FASTKD2: variants seen among roughly 807,000 people sequenced by gnomAD.
FASTKD2 encodes the protein FAST kinase domains 2, also known as FAST kinase domain-containing protein 2, mitochondrial.
Under a neutral mutation model 63.6 loss-of-function variants are expected in FASTKD2, and 51 were observed. That is an observed-to-expected ratio of 0.80 (90% confidence interval 0.64 to 1.01). The LOEUF is 1.01. Among genes scored for constraint, FASTKD2 ranks in the 50% least tolerant of loss-of-function variants. The probability of loss-of-function intolerance (pLI) is 0.00; values close to 1 mark genes in which losing one functional copy is unlikely to be tolerated. For missense variants in FASTKD2, 786 were observed against 831.1 expected (o/e 0.95, Z 0.67); for synonymous variants, 284 against 293.4 (o/e 0.97, Z 0.33).
At chr2:206,775,135 C>T (rs1689788590) in intron 7 of FASTKD2, among the ~76,000 whole-genome samples, 1 of 151,942 alleles carries the variant, frequency 6.6e-6, no homozygotes, top group Admixed American at 6.6e-5. Flanking sequence ...TTTCTTTATC[C>T]ATTCATCTGC....
At chr2:206,781,390 A>G (rs192696190) in intron 7 of FASTKD2, among the ~76,000 whole-genome samples, 17 of 125,900 alleles carry the variant, frequency 1.4e-4, no homozygotes, top group African/African-American at 5.1e-4. Flanking sequence ...ATCTCGGCTT[A>G]CTGCAACCTC....
chr2:206,781,505 G>A (rs910497682), intron 7 of FASTKD2, among the ~76,000 whole-genome samples: 7 of 151,298 alleles, frequency 4.6e-5, no homozygotes, highest in Admixed American at 3.9e-4. Context: ...TGGTAGAGAC[G>A]GGGTTTCACC....
chr2:206,773,345 A>G (rs887613388), intron 6 of FASTKD2, among the ~76,000 whole-genome samples: 1 of 147,636 alleles, frequency 6.8e-6, no homozygotes, highest in African/African-American at 2.5e-5. Context: ...AAAGGGTTGT[A>G]TGGTACTTTT....
At chr2:206,781,238 A>G (rs954616901) in intron 7 of FASTKD2, among the ~76,000 whole-genome samples, 1 of 151,172 alleles carries the variant, frequency 6.6e-6, no homozygotes, top group Admixed American at 6.6e-5. Context: ...ACTGGCTTTG[A>G]CAGGGAAAGA....
chr2:206,777,992 T>A (rs1689868215), intron 7 of FASTKD2, among the ~76,000 whole-genome samples: 2 of 152,126 alleles, frequency 1.3e-5, no homozygotes, highest in Non-Finnish European at 1.5e-5. Context: ...GCATTGGTTT[T>A]TATTTCTAGT....
At position 206,767,396 on chromosome 2, in the gene FASTKD2, A is replaced by G; in HGVS notation, c.703A>G (p.Ser235Gly). Residue 235 changes from serine (S) to glycine (G), a missense_variant, in exon 2 of 12, where the codon AGT (serine) becomes GGT (glycine). Coordinates refer to ENST00000402774, the MANE Select transcript of FASTKD2 (RefSeq NM_001136193.2). Reference sequence around the variant, plus strand: ...CATGCAGTATAAGTACCTACTGTTCAGTCTTCACGCCATAGTGAAGCTTGG... The same window carrying G: ...CATGCAGTATAAGTACCTACTGTTCGGTCTTCACGCCATAGTGAAGCTTGG... ...KIMQYKYLLF[S>G]LHAIVKLGIP... is the part of the protein sequence containing the mutation. The G allele has an allele frequency of 6.2e-7, 1 of 1,613,872 alleles. No homozygotes were observed. Among genetic ancestry groups the G allele is most frequent in the Non-Finnish European group, 8.5e-7 (1 of 1,179,970 alleles).
At chr2:206,787,745 T>G (rs1230725837) in intron 8 of FASTKD2, among the ~76,000 whole-genome samples, 192 bp from the exon 9 acceptor site, 1 of 152,184 alleles carries the variant, frequency 6.6e-6, no homozygotes, top group East Asian at 1.9e-4. Context: ...AGTGCAGGGC[T>G]TTGATTTAGA....
rs1305818749 is a variant in FASTKD2 at position 206,793,236 on chromosome 2, A to AC, written c.*1434_*1435insC. On this transcript the variant is annotated 3_prime_UTR_variant, in exon 12 of 12. Transcript: ENST00000402774. ...ACTCTGTCTCAAAAAAAAAAAAAAAAAAAAAAAAAAAAAAATACAAAAACT... is the reference window on the plus strand; with the variant it reads ...ACTCTGTCTCAAAAAAAAAAAAAAAACAAAAAAAAAAAAAAATACAAAAACT... 3.4e-5 allele frequency among the ~76,000 whole-genome samples: 5 copies of AC among 148,352 alleles called. No homozygotes were observed. The highest frequency in any genetic ancestry group is 7.4e-5 in the Non-Finnish European group (5 of 67,338).
intron 7 of FASTKD2, among the ~76,000 whole-genome samples, chr2:206,784,051 C>T (rs1399221437): frequency 1.3e-5 from 2 of 152,204 alleles, no homozygotes; most frequent in Non-Finnish European, 2.9e-5. Flanking sequence ...AAGCCTCCCA[C>T]CTCAACATTT....
intron 11 of FASTKD2, 93 bp downstream of exon 11, chr2:206,790,779 C>T: frequency 1.2e-6 from 1 of 803,366 alleles, no homozygotes; most frequent in Non-Finnish European, 2.2e-6. Context: ...GTTACTAGGA[C>T]TAGAGGAATT....
rs71930000 is a variant in FASTKD2 at position 206,793,807 on chromosome 2, G to GAAA, written c.*2008_*2010dup. 6.6e-6 allele frequency among the ~76,000 whole-genome samples: 1 copy of GAAA among 152,264 alleles called. No individual in the cohort carries two copies. Among genetic ancestry groups the GAAA allele is most frequent in the African/African-American group, 2.4e-5 (1 of 41,568 alleles). ...TCTTCATTGCTTTGTGTCAATGAAA[G>GAAA]AAAAATGGGCAAAGAGCTGATGAAC... On this transcript the variant is annotated 3_prime_UTR_variant, in exon 12 of 12. Coordinates refer to ENST00000402774, the MANE Select transcript of FASTKD2 (RefSeq NM_001136193.2).
intron 7 of FASTKD2, among the ~76,000 whole-genome samples, chr2:206,779,925 G>A (rs1689923060): frequency 6.6e-6 from 1 of 151,688 alleles, no homozygotes; most frequent in Non-Finnish European, 1.5e-5. Context: ...TTTCATTTGT[G>A]GTTACCATGG....
Position 206,774,394 on chromosome 2 carries a change from A to G in FASTKD2, c.1424A>G (p.Lys475Arg). 1.3e-6 allele frequency: 2 copies of G among 1,587,196 alleles called. No individual in the cohort carries two copies. Among genetic ancestry groups the G allele is most frequent in the Non-Finnish European group, 1.7e-6 (2 of 1,158,520 alleles). Residue 475 changes from lysine to arginine, a missense_variant, in exon 7 of 12, where the codon AAA (lysine) becomes AGA (arginine). Coordinates refer to ENST00000402774, the MANE Select transcript of FASTKD2 (RefSeq NM_001136193.2). ...SLNHVYKCQN[K>R]EQFVEVMASA... ...AATCATGTCTACAAATGCCAGAACA[A>G]AGAGTATGTACTTGTTTTTTTTTAC...
intron 7 of FASTKD2, among the ~76,000 whole-genome samples, chr2:206,782,781 A>T (rs1331088165): frequency 6.6e-6 from 1 of 152,222 alleles, no homozygotes; most frequent in African/African-American, 2.4e-5. Flanking sequence ...TCACTTATTA[A>T]AATGGAGATG....
Position 206,767,239 on chromosome 2 carries a change from C to T in FASTKD2, c.546C>T (p.Ser182=). ...AFSKAPTFPS[S]NYFTAMWTIA... is the part of the protein sequence containing the mutation. ...CAAAAGCGCCCACATTTCCTAGTAG[C>T]AACTATTTCACAGCAATGTGGACAA... Residue 182 remains serine (S), a synonymous_variant, in exon 2 of 12, where the codon AGC becomes AGT. Transcript: ENST00000402774. 1.2e-6 allele frequency: 2 copies of T among 1,614,178 alleles called. No homozygotes were observed. Among genetic ancestry groups the T allele is most frequent in the Non-Finnish European group, 8.5e-7 (1 of 1,180,016 alleles).
At chr2:206,773,339 G>A (rs947838115) in intron 6 of FASTKD2, among the ~76,000 whole-genome samples, 1 of 149,548 alleles carries the variant, frequency 6.7e-6, no homozygotes, top group South Asian at 2.1e-4. Context: ...AAAAAAAAAG[G>A]GTTGTATGGT....
rs114333222 is a variant in FASTKD2, at chr2:206,792,982, G to C, written c.*1180G>C. 4.3e-3 allele frequency among the ~76,000 whole-genome samples: 655 copies of C among 152,214 alleles called. 3 individuals carry two copies. The highest frequency in any genetic ancestry group is 7.3e-3 in the Non-Finnish European group (499 of 68,026). On this transcript the variant is annotated 3_prime_UTR_variant, in exon 12 of 12. Coordinates refer to ENST00000402774, the MANE Select transcript of FASTKD2 (RefSeq NM_001136193.2). ...GCTCGTGCTTGTCATCCCAGCACTTGGGAGGCCGAGGTGGGCTGATCATGA... is the reference window on the plus strand; with the variant it reads ...GCTCGTGCTTGTCATCCCAGCACTTCGGAGGCCGAGGTGGGCTGATCATGA...
chr2:206,786,499 T>G (rs923757118), intron 7 of FASTKD2: 22 of 489,548 alleles, frequency 4.5e-5, no homozygotes, highest in Non-Finnish European at 7.4e-5. Context: ...ACCCATGGAG[T>G]TTTTTAGTGT....
chr2:206,788,277 C>G, intron 9 of FASTKD2, 122 bp downstream of exon 9: 1 of 646,274 alleles, frequency 1.5e-6, no homozygotes, highest in Non-Finnish European at 2.7e-6. Flanking sequence ...TGGAACTGGC[C>G]TGATTCTTGC....
Sources: allele counts gnomAD v4.1 joint callset (sites outside exome capture counted in the v4.1 genomes callset), GRCh38; gene constraint gnomAD v4.1.1; transcripts MANE v1.5; gene names NCBI Gene and HGNC (gene_info 2026-07-23, HGNC 2026-07-21).